The following RNF212B variants were observed in gnomAD, a reference collection of about 807,000 sequenced individuals.
RNF212B encodes the protein ring finger protein 212B.
RNF212B carries 52 observed loss-of-function variants against 55.5 expected under a neutral mutation model. The observed-to-expected ratio is 0.94, with a 90% CI of 0.75 to 1.18. The LOEUF (loss-of-function observed/expected upper bound fraction) is 1.18, where lower values mean the gene tolerates loss of function less well. Among genes scored for constraint, RNF212B ranks in the 50% most tolerant of loss-of-function variants. The pLI, the probability that RNF212B is intolerant of heterozygous loss-of-function variation, is 0.00. For synonymous variants in RNF212B, 99 were observed against 121.4 expected (o/e 0.82, Z 1.21); for missense variants, 289 against 350.4 (o/e 0.82, Z 1.40).
chr14:23,256,317 G>T (rs1214455482), intron 4 of RNF212B, among the ~76,000 whole-genome samples: 3 of 151,752 alleles, frequency 2.0e-5, no homozygotes, highest in African/African-American at 7.3e-5. Context: ...CTACCCCCCT[G>T]CCATTTTAGG....
At chr14:23,232,817 CCT>C (rs1324729993) in intron 2 of RNF212B, among the ~76,000 whole-genome samples, 1 of 146,040 alleles carries the variant, frequency 6.8e-6, no homozygotes, top group African/African-American at 2.5e-5. Context: ...CGGCCGCCAC[CCT>C]GTCTGGGAGG....
At chr14:23,242,648 C>T (rs976130444) in intron 2 of RNF212B, among the ~76,000 whole-genome samples, 16 of 152,020 alleles carry the variant, frequency 1.1e-4, no homozygotes, top group African/African-American at 3.6e-4. Context: ...CCCTTCTGTC[C>T]CACAGAAGAA....
chr14:23,193,260 G>A (rs970787062), intron 1 of RNF212B: 1 of 152,088 alleles, frequency 6.6e-6, no homozygotes, highest in Non-Finnish European at 1.5e-5. Flanking sequence ...TCAAAAGTGG[G>A]TATAAAATAA....
chr14:23,263,091 G>T (rs1039506286), intron 9 of RNF212B, 121 bp downstream of exon 9: 16 of 701,246 alleles, frequency 2.3e-5, no homozygotes, highest in African/African-American at 3.7e-5. Context: ...TAAAGCTAGG[G>T]TTTTTTTTTT....
intron 6 of RNF212B, 45 bp downstream of exon 6, chr14:23,259,989 T>C (rs1286726034): frequency 3.1e-6 from 3 of 973,230 alleles, no homozygotes; most frequent in African/African-American, 3.3e-5. Flanking sequence ...TCTCTTACTT[T>C]TCTCATCTAT....
upstream of RNF212B, among the ~76,000 whole-genome samples, chr14:23,237,848 C>G (rs1170493622): frequency 6.6e-6 from 1 of 151,808 alleles, no homozygotes; most frequent in Non-Finnish European, 1.5e-5. Context: ...CCGCCCACGC[C>G]CCGCGCACGC....
chr14:23,226,354 G>A (rs916942170), intron 2 of RNF212B, among the ~76,000 whole-genome samples: 3 of 151,580 alleles, frequency 2.0e-5, no homozygotes, highest in Admixed American at 6.6e-5. Context: ...CACGGGGCCG[G>A]GCGCGGTGGC....
intron 4 of RNF212B, 41 bp from the exon 5 acceptor site, chr14:23,258,508 G>A: frequency 1.0e-6 from 1 of 961,142 alleles, no homozygotes; most frequent in Non-Finnish European, 1.6e-6. Context: ...AGGGAAAGGA[G>A]TTATGGGAGA....
intron 1 of RNF212B, among the ~76,000 whole-genome samples, chr14:23,192,812 C>G (rs1017158487): frequency 1.3e-5 from 2 of 152,066 alleles, no homozygotes; most frequent in African/African-American, 2.4e-5. Context: ...AGCTTTATGG[C>G]CAGGTGCGGT....
At chr14:23,272,000 C>T (rs1353522485) in intron 14 of RNF212B, among the ~76,000 whole-genome samples, 3 of 152,060 alleles carry the variant, frequency 2.0e-5, no homozygotes, top group Non-Finnish European at 2.9e-5. Context: ...TGATGTCTGG[C>T]GTTTGCATCA....
intron 4 of RNF212B, among the ~76,000 whole-genome samples, chr14:23,252,569 G>A (rs1481657950): frequency 7.2e-5 from 11 of 152,138 alleles, no homozygotes; most frequent in African/African-American, 2.4e-5. Flanking sequence ...AAGGAGATAG[G>A]AAACCTCAAA....
chr14:23,270,056 C>T (rs1885966105), intron 13 of RNF212B, 96 bp downstream of exon 13: 3 of 743,352 alleles, frequency 4.0e-6, no homozygotes, highest in Admixed American at 2.3e-5. Flanking sequence ...TGAGGTTTGC[C>T]CCCCAAAGAG....
rs1184990614 is a variant in RNF212B, at chr14:23,269,869, A to G, written c.681A>G (p.Ser227=). Residue 227 remains serine, a synonymous_variant, in exon 13 of 15, where the codon TCA becomes TCG. Coordinates refer to ENST00000430154, the MANE Select transcript of RNF212B (RefSeq NM_001282322.3). ...TTTTATTTGCTTTCCTTAGAACTTCATCTGCCTCCTCTGGACAGGGGATTT... is the reference window on the plus strand; with the variant it reads ...TTTTATTTGCTTTCCTTAGAACTTCGTCTGCCTCCTCTGGACAGGGGATTT... ...ASTHSLSYRT[S]SASSGQGIFS... 6.5e-7 allele frequency: 1 copy of G among 1,538,788 alleles called. No individual in the cohort carries two copies. The highest frequency in any genetic ancestry group is 8.8e-7 in the Non-Finnish European group (1 of 1,136,584).
intron 14 of RNF212B, chr14:23,272,426 C>CA (rs1886174763): frequency 3.9e-6 from 1 of 253,878 alleles, no homozygotes; most frequent in Non-Finnish European, 7.7e-6. Context: ...CTCAAAAAAA[C>CA]AACAAACAAA....
intron 1 of RNF212B, among the ~76,000 whole-genome samples, chr14:23,239,094 C>T (rs546175803): frequency 3.3e-5 from 5 of 152,116 alleles, no homozygotes; most frequent in Non-Finnish European, 7.4e-5. Flanking sequence ...GATGGAGTCT[C>T]ACTCTGTCGC....
intron 2 of RNF212B, among the ~76,000 whole-genome samples, chr14:23,225,685 T>C (rs1881940548): frequency 6.6e-6 from 1 of 151,318 alleles, no homozygotes; most frequent in Non-Finnish European, 1.5e-5. Flanking sequence ...GGGGAGGAGA[T>C]GGGGATAGTT....
chr14:23,267,155 A>G (rs144974520), intron 11 of RNF212B, among the ~76,000 whole-genome samples: 5 of 151,520 alleles, frequency 3.3e-5, no homozygotes, highest in African/African-American at 9.7e-5. Flanking sequence ...TTCAATTTTC[A>G]TGTCTTTGTA....
At chr14:23,214,222 G>A (rs113119233) in intron 2 of RNF212B, among the ~76,000 whole-genome samples, 3,206 of 152,292 alleles carry the variant, frequency 0.021, 105 homozygotes, top group African/African-American at 0.072. Flanking sequence ...GGCTGGGCAT[G>A]GCGGCTCAAG....
chr14:23,250,393 G>C (rs893109257), intron 4 of RNF212B, among the ~76,000 whole-genome samples: 10 of 150,306 alleles, frequency 6.7e-5, no homozygotes, highest in African/African-American at 2.2e-4. Context: ...TGAGGCATGA[G>C]AATTGCTTGA....
Sources: gnomAD v4.1 joint callset for allele counts (sites outside exome capture counted in the v4.1 genomes callset) on GRCh38, gnomAD v4.1.1 for gene constraint, MANE v1.5 for transcripts, NCBI Gene and HGNC (gene_info 2026-07-23, HGNC 2026-07-21) for gene names.